TMSB15B: variants seen among roughly 807,000 people sequenced by gnomAD.
The protein encoded by TMSB15B is thymosin beta 15B.
At chrX:103,928,803 T>G (rs1157759725) in intron 1 of TMSB15B, 103 of 1,194,086 alleles carry the variant, frequency 8.6e-5, no homozygotes, top group Non-Finnish European at 1.1e-4. Context: ...TTGTGCTGGC[T>G]GCTAATATGC....
At chrX:103,937,641 G>C (rs1187862665) in intron 1 of TMSB15B, among the ~76,000 whole-genome samples, 1 of 111,271 alleles carries the variant, frequency 9.0e-6, no homozygotes, top group African/African-American at 3.3e-5. Context: ...TTGATTTTTT[G>C]AAGGGTTTTT....
chrX:103,940,506 C>T (rs2075009837), intron 1 of TMSB15B, among the ~76,000 whole-genome samples: 1 of 111,232 alleles, frequency 9.0e-6, no homozygotes, highest in Admixed American at 9.5e-5. Context: ...ATCCCCTCTC[C>T]CCCCACCAAG....
At chrX:103,947,928 C>G (rs1946300862) in intron 1 of TMSB15B, among the ~76,000 whole-genome samples, 1 of 111,502 alleles carries the variant, frequency 9.0e-6, no homozygotes, top group African/African-American at 3.3e-5. Context: ...TCTCAGCAAA[C>G]TAATACAGGA....
intron 1 of TMSB15B, among the ~76,000 whole-genome samples, chrX:103,944,854 T>C (rs1381533364): frequency 8.9e-6 from 1 of 112,098 alleles, no homozygotes; most frequent in Non-Finnish European, 1.9e-5. Context: ...AGCGCAGTGG[T>C]GTGATCTCAC....
intron 1 of TMSB15B, among the ~76,000 whole-genome samples, chrX:103,923,856 C>G (rs1212979214): frequency 2.7e-5 from 3 of 111,398 alleles, no homozygotes; most frequent in Non-Finnish European, 3.8e-5. Context: ...TCTTCCATTT[C>G]TTTGTATCCT....
At chrX:103,938,930 T>C (rs2075005640) in intron 1 of TMSB15B, among the ~76,000 whole-genome samples, 2 of 112,446 alleles carry the variant, frequency 1.8e-5, no homozygotes, top group Admixed American at 1.9e-4. Flanking sequence ...TTTGGCTGGA[T>C]ATGAAATTCT....
chrX:103,947,730 T>C lies in TMSB15B; in HGVS notation c.-720-14291T>C, dbSNP rs782193355. ...AATATATTGCTGACCAATAATTAGATACAACATATGCAAAGAACCCCTAAG... is the reference window on the plus strand; with the variant it reads ...AATATATTGCTGACCAATAATTAGACACAACATATGCAAAGAACCCCTAAG... On this transcript the variant is annotated intron_variant, in intron 1 of 3. Coordinates refer to the TMSB15B transcript ENST00000419165. Among the ~76,000 whole-genome samples, 6 of 111,711 alleles carry C rather than the reference T, an allele frequency of 5.4e-5. No individual in the cohort carries two copies. In the South Asian group the frequency reaches 1.9e-3, roughly 35 times the overall value.
chrX:103,941,137 A>T (rs1307961804), intron 1 of TMSB15B, among the ~76,000 whole-genome samples: 1 of 111,998 alleles, frequency 8.9e-6, no homozygotes, highest in East Asian at 2.8e-4. Context: ...AGAGCTGCAC[A>T]CTGGAGCTGT....
intron 1 of TMSB15B, among the ~76,000 whole-genome samples, chrX:103,955,107 C>A (rs1359739204): frequency 3.6e-5 from 4 of 111,178 alleles, no homozygotes; most frequent in African/African-American, 1.3e-4. Context: ...CACAATCAAA[C>A]CCCCAAGGTC....
At chrX:103,928,313 G>A in intron 1 of TMSB15B, 1 of 1,205,409 alleles carries the variant, frequency 8.3e-7, no homozygotes, top group Non-Finnish European at 1.1e-6. Context: ...TGGCACGAAG[G>A]TCCTCAATAC....
intron 1 of TMSB15B, among the ~76,000 whole-genome samples, chrX:103,946,160 C>T (rs1463849893): frequency 2.7e-5 from 3 of 111,980 alleles, no homozygotes; most frequent in Non-Finnish European, 3.8e-5. Flanking sequence ...GGCTTGTGTT[C>T]GTTCCCAATG....
chrX:103,939,945 T>A (rs1209684620), intron 1 of TMSB15B, among the ~76,000 whole-genome samples: 1 of 111,528 alleles, frequency 9.0e-6, no homozygotes, highest in Non-Finnish European at 1.9e-5. Flanking sequence ...TTGCTGGGGG[T>A]CCACTCCAGA....
At chrX:103,945,881 A>G (rs1213013761) in intron 1 of TMSB15B, among the ~76,000 whole-genome samples, 1 of 112,296 alleles carries the variant, frequency 8.9e-6, no homozygotes, top group Non-Finnish European at 1.9e-5. Context: ...CCCAAAATCT[A>G]TAAGGCAGCT....
chrX:103,934,189 C>G (rs2074991557), intron 1 of TMSB15B, among the ~76,000 whole-genome samples: 2 of 111,142 alleles, frequency 1.8e-5, no homozygotes, highest in African/African-American at 6.6e-5. Context: ...TACTCTCCAC[C>G]ACCTTGAGAT....
At chrX:103,934,730 C>T in intron 1 of TMSB15B, among the ~76,000 whole-genome samples, 1 of 111,731 alleles carries the variant, frequency 9.0e-6, no homozygotes, top group East Asian at 2.8e-4. Context: ...TTTCTTTATC[C>T]AGTCTGTCAT....
intron 1 of TMSB15B, among the ~76,000 whole-genome samples, chrX:103,924,905 C>T (rs1556318554): frequency 9.0e-6 from 1 of 111,039 alleles, no homozygotes; most frequent in Admixed American, 9.6e-5. Flanking sequence ...TGTCAAGGGG[C>T]CAGGCTCTCC....
At chrX:103,954,186 A>G (rs1556328757) in intron 1 of TMSB15B, among the ~76,000 whole-genome samples, 1 of 112,414 alleles carries the variant, frequency 8.9e-6, no homozygotes. Flanking sequence ...ATGGCCAGGC[A>G]TGGCCACCCC....
intron 1 of TMSB15B, among the ~76,000 whole-genome samples, chrX:103,948,970 T>A (rs1226344354): frequency 8.9e-6 from 1 of 111,831 alleles, no homozygotes; most frequent in Non-Finnish European, 1.9e-5. Context: ...GTGGGCAGTT[T>A]GCAGCATTAA....
chrX:103,928,569 T>C lies in TMSB15B; in HGVS notation c.-721+9277T>C, dbSNP rs58642778. 8.1e-3 allele frequency: 9,478 copies of C among 1,176,644 alleles called. 417 individuals carry two copies. In the African/African-American group the frequency reaches 0.13, roughly 16 times the overall value. On this transcript the variant is annotated intron_variant, in intron 1 of 3. Transcript: ENST00000419165. ...GCTTACCCAGCACCTTCAGCATTCT[T>C]GAGGAATTCAATTCTTATGGGCTTT...
Sources: allele counts gnomAD v4.1 joint callset (sites outside exome capture counted in the v4.1 genomes callset), GRCh38; gene constraint gnomAD v4.1.1; transcripts MANE v1.5; gene names NCBI Gene and HGNC (gene_info 2026-07-23, HGNC 2026-07-21).